Variants in RPS5 observed in about 807,000 individuals in gnomAD.
The protein encoded by RPS5 is small ribosomal subunit protein uS7.
RPS5 carries 2 observed loss-of-function variants against 20.9 expected under a neutral mutation model. That is an observed-to-expected ratio of 0.10 (90% CI 0.04 to 0.30). The LOEUF is 0.30. RPS5 is among the 10% of genes least tolerant of loss of function. The pLI is 1.00. For synonymous variants in RPS5, 112 were observed against 105.8 expected (o/e 1.06, Z -0.36); for missense variants, 122 against 287.2 (o/e 0.42, Z 4.16).
At chr19:58,392,496 G>A (rs1279664006) in intron 2 of RPS5, among the ~76,000 whole-genome samples, 2 of 151,916 alleles carry the variant, frequency 1.3e-5, no homozygotes, top group Non-Finnish European at 1.5e-5. Flanking sequence ...TTGGTGGCAG[G>A]CCCCTATAAT....
intron 2 of RPS5, chr19:58,388,491 T>TA (rs1325759162): frequency 1.8e-6 from 1 of 549,274 alleles, no homozygotes; most frequent in Non-Finnish European, 3.2e-6. Flanking sequence ...GTATTTTTGT[T>TA]ACTGTTTTTG....
rs1345247012 is a variant in RPS5 at position 58,388,176 on chromosome 19, G to C, written c.39G>C (p.Glu13Asp). 2 of 1,613,154 alleles carry C rather than the reference G, an allele frequency of 1.2e-6. No homozygotes were observed. The highest frequency in any genetic ancestry group is 1.7e-6 in the Non-Finnish European group (2 of 1,179,926). Residue 13 changes from glutamate (E) to aspartate (D), a missense_variant, in exon 2 of 6, where the codon GAG becomes GAC. Transcript: ENST00000196551. The part of the protein sequence containing the change: ...EWETAAPAVA[E>D]TPDIKLFGKW... ...AGACAGCAGCACCAGCGGTGGCAGA[G>C]ACCCCAGACATCAAGCTCTTTGGGA... is the stretch of plus-strand genomic sequence containing the variant.
At chr19:58,389,054 A>C (rs893621836) in intron 2 of RPS5, among the ~76,000 whole-genome samples, 1 of 152,076 alleles carries the variant, frequency 6.6e-6, no homozygotes, top group Non-Finnish European at 1.5e-5. Context: ...GAGTTGTCCT[A>C]CTTTGTTCCT....
At chr19:58,393,722 C>CTGTGTGT in intron 4 of RPS5, 1 of 533,342 alleles carries the variant, frequency 1.9e-6, no homozygotes, top group Admixed American at 3.6e-5. Flanking sequence ...TATTTTTACA[C>CTGTGTGT]TGTGTGTATA....
In RPS5 at chr19:58,394,802, C is replaced by T. The variant is rs3178234; in HGVS notation, c.*52C>T. The T allele has an allele frequency of 3.2e-6, 5 of 1,572,202 alleles. No individual in the cohort carries two copies. In the Admixed American group the frequency reaches 6.7e-5, roughly 21 times the overall value. On this transcript the variant is annotated 3_prime_UTR_variant, in exon 6 of 6. Transcript: ENST00000196551. ...TGTCTGCCCTTTGGGGCAGTCCCAG[C>T]CACCTGTGCTGTTGTCTGTCTTCGG... is the stretch of plus-strand genomic sequence containing the variant.
intron 3 of RPS5, 24 bp downstream of exon 3, chr19:58,393,209 G>A (rs2052375248): frequency 3.1e-6 from 5 of 1,613,768 alleles, no homozygotes; most frequent in African/African-American, 2.7e-5. Flanking sequence ...GCCTGGTGAG[G>A]GCAGGCTGTG....
chr19:58,388,579 GT>G lies in RPS5; in HGVS notation c.108+342del, dbSNP rs1215564597. On this transcript the variant is annotated intron_variant, in intron 2 of 5. Coordinates refer to ENST00000196551, the MANE Select transcript of RPS5 (RefSeq NM_001009.4). The stretch of plus-strand genomic sequence containing the variant: ...ATCCAGTACCATCTCCTAAAGAGAT[GT>G]TTTTTTTCCCTCAATTGAATGGCCT... The G allele has an allele frequency of 1.5e-4, 46 of 300,838 alleles. 1 individual carries two copies. Among genetic ancestry groups the G allele is most frequent in the East Asian group, 7.3e-4 (14 of 19,120 alleles). 18.6% of individuals were successfully genotyped at this position (300,838 alleles called of 1,614,324 possible). A position where few individuals can be genotyped will look rare whatever the true frequency, so the allele number is the denominator to read the frequency against.
chr19:58,393,138 C>T lies in RPS5; in HGVS notation c.271C>T (p.Arg91Cys), dbSNP rs1441775572. 5 of 1,614,122 alleles carry T rather than the reference C, an allele frequency of 3.1e-6. No homozygotes were observed. Among genetic ancestry groups the T allele is most frequent in the South Asian group, 2.2e-5 (2 of 91,078 alleles). Residue 91 changes from arginine (R) to cysteine (C), a missense_variant, in exon 3 of 6, where the codon CGC (arginine) becomes TGC (cysteine). This residue lies in a region of RPS5 where 49 missense variants were observed against 64.9 expected (regional missense o/e 0.75). Coordinates refer to ENST00000196551, the MANE Select transcript of RPS5 (RefSeq NM_001009.4). ...RNNGKKLMTV[R>C]IVKHAFEIIH... Reference sequence around the variant, plus strand: ...CAACGGCAAGAAGCTCATGACTGTGCGCATCGTCAAGCATGCCTTCGAGAT... The same window carrying T: ...CAACGGCAAGAAGCTCATGACTGTGTGCATCGTCAAGCATGCCTTCGAGAT...
intron 2 of RPS5, among the ~76,000 whole-genome samples, chr19:58,390,951 G>A (rs979034294): frequency 6.6e-6 from 1 of 151,986 alleles, no homozygotes; most frequent in Non-Finnish European, 1.5e-5. Flanking sequence ...CAGGTATTTT[G>A]TGTATATTCT....
intron 2 of RPS5, among the ~76,000 whole-genome samples, chr19:58,392,166 A>G (rs768765224): frequency 6.6e-6 from 1 of 152,084 alleles, no homozygotes; most frequent in African/African-American, 2.4e-5. Flanking sequence ...TATTAAAAGT[A>G]CAAAAAATTT....
chr19:58,392,849 C>T lies in RPS5; in HGVS notation c.109-127C>T, dbSNP rs115814907. The stretch of plus-strand genomic sequence containing the variant: ...CTTACATCCAAGTCCCCTGTTGAGG[C>T]ATACCAGGATCCCAGACAGCTGTTG... On this transcript the variant is annotated intron_variant, in intron 2 of 5. Coordinates refer to ENST00000196551, the MANE Select transcript of RPS5 (RefSeq NM_001009.4). 3.6e-4 allele frequency: 288 copies of T among 807,174 alleles called. No individual in the cohort carries two copies. In the African/African-American group the frequency reaches 4.3e-3, roughly 12 times the overall value. The allele number at this position is 807,174 out of a possible 1,614,324, so 50.0% of individuals were successfully genotyped here.
At chr19:58,390,967 G>A (rs2052359441) in intron 2 of RPS5, among the ~76,000 whole-genome samples, 1 of 152,128 alleles carries the variant, frequency 6.6e-6, no homozygotes, top group Admixed American at 6.5e-5. Flanking sequence ...ATTCTCAGAG[G>A]CAAGTGATAG....
chr19:58,388,529 T>G (rs2052341904), intron 2 of RPS5: 1 of 499,898 alleles, frequency 2.0e-6, no homozygotes, highest in Non-Finnish European at 3.5e-6. Context: ...TCCAGTGTCA[T>G]TCTTTTGCAT....
chr19:58,388,649 T>TTTG (rs2052343420), intron 2 of RPS5: 1 of 392,842 alleles, frequency 2.5e-6, no homozygotes, highest in Non-Finnish European at 4.5e-6. Flanking sequence ...TTTTTTTTTT[T>TTTG]TTTTTTTTTT....
In RPS5 at chr19:58,387,346, C is replaced by T. The variant is rs950660162; in HGVS notation, c.-2+7C>T. 3 of 152,282 alleles carry T rather than the reference C, an allele frequency of 2.0e-5. No homozygotes were observed. The highest frequency in any genetic ancestry group is 4.8e-5 in the African/African-American group (2 of 41,468). The allele number at this position is 152,282 out of a possible 1,614,324, so 9.4% of individuals were successfully genotyped here. A position where few individuals can be genotyped will look rare whatever the true frequency, so the allele number is the denominator to read the frequency against. ...GCTCAGGCTGTGTTCTCAGGTGAGA[C>T]CGCCGCGGGGCCGGGGATCCTAGGG... On this transcript the variant is annotated splice_region_variant and intron_variant, in intron 1 of 5. Transcript: ENST00000196551.
intron 4 of RPS5, chr19:58,393,818 T>C (rs1320646242): frequency 3.8e-6 from 1 of 266,204 alleles, no homozygotes; most frequent in Non-Finnish European, 7.1e-6. Context: ...CAGGTGTCTT[T>C]AAAAACAAAG....
chr19:58,390,145 C>G (rs1425632177), intron 2 of RPS5, among the ~76,000 whole-genome samples: 1 of 152,166 alleles, frequency 6.6e-6, no homozygotes, highest in Non-Finnish European at 1.5e-5. Flanking sequence ...ATCAGCCTGC[C>G]TCAGCCTCCC....
chr19:58,389,666 C>A (rs1008138150), intron 2 of RPS5, among the ~76,000 whole-genome samples: 2 of 151,614 alleles, frequency 1.3e-5, no homozygotes. Context: ...AACGGAGTTT[C>A]GCTCTTATTG....
intron 4 of RPS5, 25 bp downstream of exon 4, chr19:58,393,512 G>T: frequency 6.3e-7 from 1 of 1,596,838 alleles, no homozygotes; most frequent in South Asian, 1.1e-5. Context: ...TATGCACGTG[G>T]CAGGGTGGAC....
Sources: allele counts gnomAD v4.1 joint callset (sites outside exome capture counted in the v4.1 genomes callset), GRCh38; gene constraint gnomAD v4.1.1; regional missense constraint gnomAD v4.1.1; transcripts MANE v1.5; gene names NCBI Gene and HGNC (gene_info 2026-07-23, HGNC 2026-07-21).